BRIP1: variants seen among roughly 807,000 people sequenced by gnomAD.
BRIP1 encodes Fanconi anemia group J protein.
A neutral mutation model predicts 119.7 loss-of-function variants in BRIP1; 88 were observed. The observed-to-expected ratio is 0.74, with a 90% CI of 0.62 to 0.88. BRIP1 has a LOEUF of 0.88. Ranked by LOEUF, BRIP1 falls within the 40% of genes least tolerant of loss-of-function variation. The pLI, the probability that BRIP1 is intolerant of heterozygous loss-of-function variation, is 0.00. For synonymous variants in BRIP1, 443 were observed against 496.5 expected (o/e 0.89, Z 1.43); for missense variants, 1,259 against 1,455.4 (o/e 0.87, Z 2.20).
At chr17:61,772,705 C>G (rs769587382) in intron 14 of BRIP1, among the ~76,000 whole-genome samples, 37 of 151,108 alleles carry the variant, frequency 2.4e-4, no homozygotes, top group Non-Finnish European at 4.1e-4. Flanking sequence ...GCAATCCCAG[C>G]TACTCAGGAG....
At chr17:61,779,017 A>AT (rs1274423874) in intron 13 of BRIP1, among the ~76,000 whole-genome samples, 1 of 152,228 alleles carries the variant, frequency 6.6e-6, no homozygotes, top group Non-Finnish European at 1.5e-5. Flanking sequence ...ACTTTAAAAT[A>AT]TTTCATAAAA....
In BRIP1 at chr17:61,743,184, C is replaced by A. The variant is rs769182180; in HGVS notation, c.2258-50G>T. 6.3e-7 allele frequency: 1 copy of A among 1,597,926 alleles called. No individual in the cohort carries two copies. The highest frequency in any genetic ancestry group is 8.6e-7 in the Non-Finnish European group (1 of 1,166,158). On this transcript the variant is annotated intron_variant, in intron 15 of 19. Transcript: ENST00000259008. The surrounding 1 kb of genome is among the most constrained non-coding windows in gnomAD (Gnocchi z 4.3). ...CCAAAATTCTCAGAAATTGCTTATT[C>A]TTGTCATTTTGAAAATACCTGATTT...
At chr17:61,779,989 A>G (rs576314035) in intron 13 of BRIP1, among the ~76,000 whole-genome samples, 266 of 152,306 alleles carry the variant, frequency 1.7e-3, no homozygotes, top group African/African-American at 6.3e-3. Flanking sequence ...ATGAGAATTA[A>G]AGAAATCAAA....
rs921534678 is a variant in BRIP1, at chr17:61,819,130, G to A, written c.628-10373C>T. Reference sequence around the variant, plus strand: ...GAACCCGGGAGGCAGAAGTTGCAGCGAGCCGAGATCATGCCACTGCACTCC... The same window carrying A: ...GAACCCGGGAGGCAGAAGTTGCAGCAAGCCGAGATCATGCCACTGCACTCC... On this transcript the variant is annotated intron_variant, in intron 6 of 19. Transcript: ENST00000259008. 4.6e-5 allele frequency among the ~76,000 whole-genome samples: 7 copies of A among 151,364 alleles called. No homozygotes were observed. The East Asian group carries it at 7.8e-4, about 17-fold the overall frequency.
rs1241913810 is a variant in BRIP1 at position 61,756,630 on chromosome 17, C to T, written c.2098-12039G>A. 6.6e-6 allele frequency among the ~76,000 whole-genome samples: 1 copy of T among 152,170 alleles called. No homozygotes were observed. The highest frequency in any genetic ancestry group is 1.9e-4 in the East Asian group (1 of 5,198). On this transcript the variant is annotated intron_variant, in intron 14 of 19. Transcript: ENST00000259008. This position sits in a 1 kb window ranked among gnomAD's most constrained non-coding sequence, Gnocchi z 4.3. Reference sequence around the variant, plus strand: ...TTTACTTTGTCAAACTTCTTTAAAACTAGTATTTCGCTAGGGAGGGAATAA... The same window carrying T: ...TTTACTTTGTCAAACTTCTTTAAAATTAGTATTTCGCTAGGGAGGGAATAA...
intron 17 of BRIP1, 141 bp downstream of exon 17, chr17:61,715,810 A>T (rs552962647): frequency 2.0e-6 from 1 of 489,702 alleles, no homozygotes; most frequent in African/African-American, 2.0e-5. Context: ...TGTGACAGCT[A>T]TCATTGAATA....
At position 61,860,484 on chromosome 17, in the gene BRIP1, AACCCGTCTCT is replaced by A. The variant is rs1176949252; in HGVS notation, c.94-587_94-578del. 1.3e-5 allele frequency among the ~76,000 whole-genome samples: 2 copies of A among 152,098 alleles called. No homozygotes were observed. Among genetic ancestry groups the A allele is most frequent in the Non-Finnish European group, 2.9e-5 (2 of 68,012 alleles). ...AGACCAGCCTGGCCAACACGGTGAA[AACCCGTCTCT>A]ACTAAAAATCCAAAAATTAGCTGGG... On this transcript the variant is annotated intron_variant, in intron 2 of 19. Transcript: ENST00000259008. This position sits in a 1 kb window ranked among gnomAD's most constrained non-coding sequence, Gnocchi z 4.1.
Position 61,825,203 on chromosome 17 carries a change from T to C in BRIP1, c.628-16446A>G, listed in dbSNP as rs2078386627. 6.6e-6 allele frequency among the ~76,000 whole-genome samples: 1 copy of C among 151,298 alleles called. No homozygotes were observed. The highest frequency in any genetic ancestry group is 1.5e-5 in the Non-Finnish European group (1 of 67,902). On this transcript the variant is annotated intron_variant, in intron 6 of 19. Coordinates refer to ENST00000259008, the MANE Select transcript of BRIP1 (RefSeq NM_032043.3). This position sits in a 1 kb window ranked among gnomAD's most constrained non-coding sequence, Gnocchi z 4.1. ...GGGAGGCTGAGGCAGGAGAATGGCG[T>C]GAACCTGGGAGGCGGAGCTTGCAGT... is the stretch of plus-strand genomic sequence containing the variant.
Position 61,684,230 on chromosome 17 carries a change from A to T in BRIP1, c.2906-90T>A. 1 of 1,407,976 alleles carries T rather than the reference A, an allele frequency of 7.1e-7. No homozygotes were observed. Among genetic ancestry groups the T allele is most frequent in the Non-Finnish European group, 9.8e-7 (1 of 1,024,362 alleles). 87.2% of individuals were successfully genotyped at this position (1,407,976 alleles called of 1,614,324 possible). On this transcript the variant is annotated intron_variant, in intron 19 of 19. Coordinates refer to ENST00000259008, the MANE Select transcript of BRIP1 (RefSeq NM_032043.3). This position sits in a 1 kb window ranked among gnomAD's most constrained non-coding sequence, Gnocchi z 4.5. Reference sequence around the variant, plus strand: ...AATAATTATTTATTAGAAATACCTAAATAACTGTATAGGATACATAACTTA... The same window carrying T: ...AATAATTATTTATTAGAAATACCTATATAACTGTATAGGATACATAACTTA...
At position 61,799,081 on chromosome 17, in the gene BRIP1, A is replaced by G. The variant is rs2077944993; in HGVS notation, c.1340+19T>C. ...CATATAAAGGCAGCACAAATACACT[A>G]ATAGACAAATCTTCTTACTTAATGA... On this transcript the variant is annotated intron_variant, in intron 9 of 19. Coordinates refer to ENST00000259008, the MANE Select transcript of BRIP1 (RefSeq NM_032043.3). This position sits in a 1 kb window ranked among gnomAD's most constrained non-coding sequence, Gnocchi z 5.1. 1.3e-6 allele frequency: 2 copies of G among 1,599,492 alleles called. No homozygotes were observed. The highest frequency in any genetic ancestry group is 8.6e-7 in the Non-Finnish European group (1 of 1,166,926).
chr17:61,853,040 T>C lies in BRIP1; in HGVS notation c.380-3784A>G, dbSNP rs2078844554. On this transcript the variant is annotated intron_variant, in intron 4 of 19. Coordinates refer to ENST00000259008, the MANE Select transcript of BRIP1 (RefSeq NM_032043.3). This position sits in a 1 kb window ranked among gnomAD's most constrained non-coding sequence, Gnocchi z 4.3. ...TGCACCCTTTGAACAAGAATGTTCA[T>C]AACAGCACTATTAAACAATACTGAA... Among the ~76,000 whole-genome samples, 1 of 152,154 alleles carries C rather than the reference T, an allele frequency of 6.6e-6. No homozygotes were observed. Among genetic ancestry groups the C allele is most frequent in the African/African-American group, 2.4e-5 (1 of 41,446 alleles).
At position 61,706,700 on chromosome 17, in the gene BRIP1, T is replaced by C. The variant is rs1197783316; in HGVS notation, c.2492+9251A>G. ...CCACTGATACTTCACCATCCCTTCC[T>C]GGGAATATTAACAACTGAGTCACAT... On this transcript the variant is annotated intron_variant, in intron 17 of 19. Transcript: ENST00000259008. The surrounding 1 kb of genome is among the most constrained non-coding windows in gnomAD (Gnocchi z 5.7). Among the ~76,000 whole-genome samples the C allele has an allele frequency of 1.3e-5, 2 of 152,194 alleles. No homozygotes were observed. Among genetic ancestry groups the C allele is most frequent in the Non-Finnish European group, 2.9e-5 (2 of 68,000 alleles).
intron 16 of BRIP1, among the ~76,000 whole-genome samples, chr17:61,737,315 C>T (rs191557455): frequency 1.4e-4 from 21 of 152,154 alleles, no homozygotes; most frequent in Admixed American, 5.9e-4. Context: ...TCCAACTATA[C>T]GCTGTAAATA....
rs1603366194 is a variant in BRIP1, at chr17:61,857,071, T to C, written c.366A>G (p.Ser122=). The C allele has an allele frequency of 6.2e-7, 1 of 1,614,076 alleles. No individual in the cohort carries two copies. Among genetic ancestry groups the C allele is most frequent in the Non-Finnish European group, 8.5e-7 (1 of 1,179,952 alleles). ...AATATAAATTACCTTGACAAGTTGA[T>C]GAAGTGCCATTTCTTTCAGAAGGTG... ...STPPSERNGT[S]STCQDSPEKT... The change falls in exon 4 of 20, where the codon TCA becomes TCG. Residue 122 remains serine (S), a synonymous_variant. Transcript: ENST00000259008. The surrounding 1 kb of genome is among the most constrained non-coding windows in gnomAD (Gnocchi z 5.1).
rs897571218 is a variant in BRIP1 at position 61,822,164 on chromosome 17, CAAAA to C, written c.628-13411_628-13408del. ...AGCGTTACATAAAATTAGTAAATGA[CAAAA>C]AATAAAAGACAATAAAAGAAGAAGA... On this transcript the variant is annotated intron_variant, in intron 6 of 19. Transcript: ENST00000259008. The surrounding 1 kb of genome is among the most constrained non-coding windows in gnomAD (Gnocchi z 4.4). Among the ~76,000 whole-genome samples, 7 of 151,784 alleles carry C rather than the reference CAAAA, an allele frequency of 4.6e-5. No homozygotes were observed. Among genetic ancestry groups the C allele is most frequent in the South Asian group, 4.1e-4 (2 of 4,828 alleles).
rs931165700 is a variant in BRIP1, at chr17:61,816,799, C to T, written c.628-8042G>A. Among the ~76,000 whole-genome samples, 8 of 151,920 alleles carry T rather than the reference C, an allele frequency of 5.3e-5. No individual in the cohort carries two copies. Among genetic ancestry groups the T allele is most frequent in the African/African-American group, 1.2e-4 (5 of 41,344 alleles). On this transcript the variant is annotated intron_variant, in intron 6 of 19. Coordinates refer to ENST00000259008, the MANE Select transcript of BRIP1 (RefSeq NM_032043.3). The surrounding 1 kb of genome is among the most constrained non-coding windows in gnomAD (Gnocchi z 5.0). The stretch of plus-strand genomic sequence containing the variant: ...CAAACGAGCAAAATGGGGAAGTGGG[C>T]GGGTAGGCGGAAAATATCTTCTTTA...
chr17:61,812,724 G>C (rs2078181331), intron 6 of BRIP1, among the ~76,000 whole-genome samples: 1 of 151,846 alleles, frequency 6.6e-6, no homozygotes. Context: ...TAGAACATCA[G>C]CAACCAAGGA....
intron 14 of BRIP1, among the ~76,000 whole-genome samples, chr17:61,763,523 T>C (rs924586833): frequency 2.0e-5 from 3 of 152,112 alleles, no homozygotes; most frequent in East Asian, 1.9e-4. Context: ...TTATCTACAC[T>C]AGGCAAGCAA....
At chr17:61,723,246 A>G (rs1255275023) in intron 16 of BRIP1, among the ~76,000 whole-genome samples, 2 of 152,234 alleles carry the variant, frequency 1.3e-5, no homozygotes, top group Admixed American at 6.5e-5. Context: ...CTGCCAGCAA[A>G]TAGCCTAAAT....
Sources: gnomAD v4.1 joint callset for allele counts (sites outside exome capture counted in the v4.1 genomes callset) on GRCh38, gnomAD v4.1.1 for gene constraint, Gnocchi (gnomAD v3.1) non-coding constraint, MANE v1.5 for transcripts, NCBI Gene and HGNC (gene_info 2026-07-23, HGNC 2026-07-21) for gene names.